MLLT3: variants seen among roughly 807,000 people sequenced by gnomAD.
The protein encoded by MLLT3 is protein AF-9.
MLLT3 carries 4 observed loss-of-function variants against 53.2 expected under a neutral mutation model. That is an observed-to-expected ratio of 0.08 (90% CI 0.04 to 0.17). MLLT3 has a LOEUF of 0.17. MLLT3 is among the 10% of genes least tolerant of loss of function. MLLT3 has a pLI of 1.00. For missense variants in MLLT3, 569 were observed against 684.0 expected, an observed-to-expected ratio of 0.83 and a Z score of 1.87; for synonymous variants, 283 against 230.6, an observed-to-expected ratio of 1.23 and a Z score of -2.06.
chr9:20,435,839 G>A (rs997629820), intron 4 of MLLT3, among the ~76,000 whole-genome samples: 1 of 152,132 alleles, frequency 6.6e-6, no homozygotes, highest in African/African-American at 2.4e-5. Flanking sequence ...TGGATTTCCT[G>A]AGCCTGTCTT....
intron 2 of MLLT3, among the ~76,000 whole-genome samples, chr9:20,594,437 C>A (rs1820201965): frequency 6.6e-6 from 1 of 152,050 alleles, no homozygotes; most frequent in Non-Finnish European, 1.5e-5. Context: ...GGATCTTCAT[C>A]CCTCTTCAAC....
At chr9:20,582,401 C>T (rs145505434) in intron 2 of MLLT3, among the ~76,000 whole-genome samples, 39 of 152,318 alleles carry the variant, frequency 2.6e-4, no homozygotes, top group African/African-American at 9.1e-4. Flanking sequence ...TCCCTTCCTT[C>T]CTCCCCACCA....
chr9:20,548,282 T>C (rs1489322820), intron 2 of MLLT3, among the ~76,000 whole-genome samples: 2 of 152,210 alleles, frequency 1.3e-5, no homozygotes, highest in Non-Finnish European at 2.9e-5. Flanking sequence ...AAAGCATCTA[T>C]CTCATCAGTT....
At chr9:20,351,294 T>C (rs1821023650) in intron 10 of MLLT3, among the ~76,000 whole-genome samples, 2 of 152,216 alleles carry the variant, frequency 1.3e-5, no homozygotes, top group Admixed American at 6.5e-5. Context: ...TTAGGAAACC[T>C]GGTTTCCCAC....
rs562401967 is a variant in MLLT3 at position 20,451,609 on chromosome 9, C to T, written c.277-3343G>A. On this transcript the variant is annotated intron_variant, in intron 3 of 10. Transcript: ENST00000380338. ...ATATCTTCTCTTAGAAGGCAGACAT[C>T]GACATTATGTCAGTCTGTGCTCCTT... 3.9e-5 allele frequency among the ~76,000 whole-genome samples: 6 copies of T among 152,208 alleles called. No individual in the cohort carries two copies. In the East Asian group the frequency reaches 1.2e-3, roughly 29 times the overall value.
intron 2 of MLLT3, among the ~76,000 whole-genome samples, chr9:20,531,226 T>C (rs1818327852): frequency 6.6e-6 from 1 of 151,048 alleles, no homozygotes; most frequent in Admixed American, 6.6e-5. Context: ...ACCTCTACCT[T>C]CCAGGTTCAA....
At chr9:20,428,110 A>G (rs1823181224) in intron 4 of MLLT3, among the ~76,000 whole-genome samples, 1 of 152,116 alleles carries the variant, frequency 6.6e-6, no homozygotes, top group Non-Finnish European at 1.5e-5. Context: ...CCTCAGAAAG[A>G]TAGTTGCTAA....
At chr9:20,586,789 C>A (rs947242648) in intron 2 of MLLT3, among the ~76,000 whole-genome samples, 4 of 151,898 alleles carry the variant, frequency 2.6e-5, no homozygotes, top group African/African-American at 9.7e-5. Context: ...GTTTCCCATT[C>A]CTCTAAGGAG....
At chr9:20,431,201 T>C (rs1331544817) in intron 4 of MLLT3, among the ~76,000 whole-genome samples, 8 of 152,140 alleles carry the variant, frequency 5.3e-5, no homozygotes, top group Non-Finnish European at 1.2e-4. Context: ...AGGTATACAA[T>C]ATAAGACAGC....
intron 2 of MLLT3, among the ~76,000 whole-genome samples, chr9:20,522,160 C>T (rs1017380169): frequency 5.9e-5 from 9 of 151,378 alleles, no homozygotes; most frequent in African/African-American, 2.2e-4. Context: ...ACTACCAGCA[C>T]TAAACTGTTC....
chr9:20,549,124 T>C (rs1818863194), intron 2 of MLLT3, among the ~76,000 whole-genome samples: 1 of 152,080 alleles, frequency 6.6e-6, no homozygotes, highest in Non-Finnish European at 1.5e-5. Flanking sequence ...CTCAAAGATA[T>C]TAACAAAAAT....
chr9:20,594,627 C>T (rs915026300), intron 2 of MLLT3, among the ~76,000 whole-genome samples: 1 of 152,096 alleles, frequency 6.6e-6, no homozygotes, highest in Non-Finnish European at 1.5e-5. Context: ...TGGCACAAGA[C>T]ATAGGTCATA....
intron 5 of MLLT3, among the ~76,000 whole-genome samples, chr9:20,395,024 T>C (rs1038556090): frequency 6.6e-6 from 1 of 152,098 alleles, no homozygotes; most frequent in East Asian, 1.9e-4. Context: ...ATCTCCCCTA[T>C]GTTCAATGGT....
At chr9:20,502,481 G>A (rs1032758671) in intron 2 of MLLT3, 2 of 152,262 alleles carry the variant, frequency 1.3e-5, no homozygotes, top group African/African-American at 4.8e-5. Context: ...TATATCCATG[G>A]GTTCCACATC....
At position 20,461,381 on chromosome 9, in the gene MLLT3, A is replaced by G. The variant is rs1824104619; in HGVS notation, c.194-4595T>C. Among the ~76,000 whole-genome samples the G allele has an allele frequency of 2.0e-5, 3 of 152,214 alleles. No homozygotes were observed. In the South Asian group the frequency reaches 6.2e-4, roughly 32 times the overall value. ...AAAACACATGGAAAGGGGGAAAAGA[A>G]AATGATCTGGCAAATTTGCAATAAG... On this transcript the variant is annotated intron_variant, in intron 2 of 10. Transcript: ENST00000380338.
chr9:20,441,755 A>G (rs373494839), intron 4 of MLLT3, among the ~76,000 whole-genome samples: 28 of 152,254 alleles, frequency 1.8e-4, no homozygotes, highest in African/African-American at 6.3e-4. Flanking sequence ...AATCCAATGA[A>G]GCTGCCCAGT....
rs1464655464 is a variant in MLLT3, at chr9:20,453,963, G to A, written c.276+2741C>T. Among the ~76,000 whole-genome samples the A allele has an allele frequency of 2.6e-5, 4 of 152,078 alleles. No individual in the cohort carries two copies. In the East Asian group the frequency reaches 5.8e-4, roughly 22 times the overall value. ...GAAAACAGCAATCATTATTATGTAT[G>A]AAATTTTAAAGAAAGCCTAAAACTA... On this transcript the variant is annotated intron_variant, in intron 3 of 10. Coordinates refer to ENST00000380338, the MANE Select transcript of MLLT3 (RefSeq NM_004529.4).
rs543672849 is a variant in MLLT3, at chr9:20,346,379, C to CAAAAAAAAAAAAAAAACAAAAAA, written c.*63_*64insTTTTTTGTTTTTTTTTTTTTTTT. On this transcript the variant is annotated 3_prime_UTR_variant, in exon 11 of 11. Transcript: ENST00000380338. Reference sequence around the variant, plus strand: ...AACAACAAGAACAAAAAATCACAACCAAAAAAAAAAAAAACCAAAAAAAAA... The same window carrying CAAAAAAAAAAAAAAAACAAAAAA: ...AACAACAAGAACAAAAAATCACAACCAAAAAAAAAAAAAAAACAAAAAAAAAAAAAAAAAAAACCAAAAAAAAA... 5.1e-6 allele frequency: 5 copies of CAAAAAAAAAAAAAAAACAAAAAA among 985,698 alleles called. No homozygotes were observed. The highest frequency in any genetic ancestry group is 2.6e-5 in the African/African-American group (1 of 38,972). The allele number at this position is 985,698 out of a possible 1,614,324, so 61.1% of individuals were successfully genotyped here. A position where few individuals can be genotyped will look rare whatever the true frequency, so the allele number is the denominator to read the frequency against.
At position 20,345,625 on chromosome 9, in the gene MLLT3, A is replaced by G. The variant is rs1200252054; in HGVS notation, c.*818T>C. The G allele has an allele frequency of 1.4e-5, 3 of 210,308 alleles. No homozygotes were observed. Among genetic ancestry groups the G allele is most frequent in the Admixed American group, 5.9e-5 (1 of 16,936 alleles). 13.0% of individuals were successfully genotyped at this position (210,308 alleles called of 1,614,324 possible). A position where few individuals can be genotyped will look rare whatever the true frequency, so the allele number is the denominator to read the frequency against. ...CTGGATTCAGGACATTTACAGGTAC[A>G]CTTTTGTTTAAAAGTCCTACAAGTT... is the stretch of plus-strand genomic sequence containing the variant. On this transcript the variant is annotated 3_prime_UTR_variant, in exon 11 of 11. Transcript: ENST00000380338.
Sources: allele counts gnomAD v4.1 joint callset (sites outside exome capture counted in the v4.1 genomes callset), GRCh38; gene constraint gnomAD v4.1.1; transcripts MANE v1.5; gene names NCBI Gene and HGNC (gene_info 2026-07-23, HGNC 2026-07-21).